NUP85: variants seen among roughly 807,000 people sequenced by gnomAD.
The protein encoded by NUP85 is nucleoporin 85, also known as nuclear pore complex protein Nup85.
NUP85 carries 23 observed loss-of-function variants against 92.8 expected under a neutral mutation model. That is an observed-to-expected ratio of 0.25 (90% CI 0.18 to 0.35). NUP85 has a LOEUF of 0.35. Ranked by LOEUF, NUP85 falls within the 10% of genes least tolerant of loss-of-function variation. The pLI, the probability that NUP85 is intolerant of heterozygous loss-of-function variation, is 1.00. For synonymous variants in NUP85, 314 were observed against 306.9 expected, an observed-to-expected ratio of 1.02 and a Z score of -0.24; for missense variants, 759 against 822.8, an observed-to-expected ratio of 0.92 and a Z score of 0.95.
intron 1 of NUP85, among the ~76,000 whole-genome samples, chr17:75,206,898 G>T (rs1391964816): frequency 2.6e-5 from 4 of 151,984 alleles, no homozygotes; most frequent in Admixed American, 2.0e-4. Context: ...TAGTAGAGAC[G>T]GGGTTTCACC....
At chr17:75,206,166 C>T (rs961990497) in intron 1 of NUP85, among the ~76,000 whole-genome samples, 1 of 152,152 alleles carries the variant, frequency 6.6e-6, no homozygotes, top group Non-Finnish European at 1.5e-5. Flanking sequence ...GCACATTGAG[C>T]TTCTGCCTGT....
rs199651391 is a variant in NUP85, at chr17:75,208,539, G to A, written c.46G>A (p.Val16Met). 1.2e-3 allele frequency: 1,829 copies of A among 1,588,086 alleles called. 33 individuals carry two copies. The South Asian group carries it at 0.019, about 16-fold the overall frequency. Residue 16 changes from valine to methionine, a missense_variant, in exon 2 of 19, where the codon GTG becomes ATG. By Grantham distance (21) the Val-to-Met change is conservative (BLOSUM62 1). Coordinates refer to ENST00000245544, the MANE Select transcript of NUP85 (RefSeq NM_024844.5). Reference protein sequence around the residue: ...GEPTVTLIPGVNSKKNQMYFD... With the variant: ...GEPTVTLIPGMNSKKNQMYFD... ...CTTATTTTACTAGTTGATTCCAGGCGTGAATTCCAAGAAGAACCAAATGTA... is the reference window on the plus strand; with the variant it reads ...CTTATTTTACTAGTTGATTCCAGGCATGAATTCCAAGAAGAACCAAATGTA...
In NUP85 at chr17:75,215,839, C is replaced by T. The variant is rs557464139; in HGVS notation, c.475+16C>T. 1 of 1,606,980 alleles carries T rather than the reference C, an allele frequency of 6.2e-7. No individual in the cohort carries two copies. The highest frequency in any genetic ancestry group is 1.7e-5 in the Admixed American group (1 of 59,990). Reference sequence around the variant, plus strand: ...GTGGCCCCAGGTAGGCATGGAATATCTCACCATAATCTCATAGGTGTCCCC... The same window carrying T: ...GTGGCCCCAGGTAGGCATGGAATATTTCACCATAATCTCATAGGTGTCCCC... On this transcript the variant is annotated intron_variant, in intron 6 of 18. Coordinates refer to ENST00000245544, the MANE Select transcript of NUP85 (RefSeq NM_024844.5).
chr17:75,232,158 AG>A, intron 14 of NUP85, 179 bp downstream of exon 14: 1 of 671,132 alleles, frequency 1.5e-6, no homozygotes. Context: ...GGGACAGGAA[AG>A]CTAGGGATCC....
At chr17:75,222,974 G>A (rs1227897243) in intron 7 of NUP85, among the ~76,000 whole-genome samples, 1 of 148,868 alleles carries the variant, frequency 6.7e-6, no homozygotes, top group Non-Finnish European at 1.5e-5. Context: ...AGTGGAGCTT[G>A]CAGTGAGCCG....
rs768963282 is a variant in NUP85, at chr17:75,212,228, G to GTTTT, written c.361+166_361+167insTTTT. The stretch of plus-strand genomic sequence containing the variant: ...CTTACTTTTTTGGTAATCATTTAGA[G>GTTTT]GTTTTTTTTTTTGTTGTTGTTTTTT... On this transcript the variant is annotated intron_variant, in intron 4 of 18. Coordinates refer to ENST00000245544, the MANE Select transcript of NUP85 (RefSeq NM_024844.5). Among the ~76,000 whole-genome samples, 2 of 84,564 alleles carry GTTTT rather than the reference G, an allele frequency of 2.4e-5. 1 individual carries two copies. The allele number at this position is 84,564 out of a possible 152,430, so 55.5% of individuals were successfully genotyped here.
chr17:75,219,376 A>G (rs1169335050), intron 7 of NUP85, among the ~76,000 whole-genome samples: 1 of 152,016 alleles, frequency 6.6e-6, no homozygotes, highest in Non-Finnish European at 1.5e-5. Context: ...TCCTGGGCTC[A>G]AGCAATCCTC....
intron 11 of NUP85, chr17:75,228,448 A>C: frequency 3.0e-6 from 3 of 985,402 alleles, no homozygotes; most frequent in Non-Finnish European, 3.6e-6. Flanking sequence ...TCCTGTTTTG[A>C]AAGAGGAACA....
intron 18 of NUP85, 124 bp downstream of exon 18, chr17:75,235,325 A>C: frequency 1.5e-6 from 1 of 676,388 alleles, no homozygotes; most frequent in South Asian, 1.9e-5. Flanking sequence ...GTTCCCCTTA[A>C]CCTGTGTAAT....
At chr17:75,219,855 A>C (rs1485192535) in intron 7 of NUP85, among the ~76,000 whole-genome samples, 1 of 152,110 alleles carries the variant, frequency 6.6e-6, no homozygotes, top group African/African-American at 2.4e-5. Context: ...GCTAGGCTGA[A>C]GAAAGCATTC....
intron 11 of NUP85, chr17:75,228,172 A>G: frequency 1.0e-5 from 10 of 985,218 alleles, no homozygotes; most frequent in Non-Finnish European, 8.4e-6. Flanking sequence ...TTAGGAATAA[A>G]ACAGATTTGA....
At chr17:75,226,931 C>G (rs552619835) in intron 11 of NUP85, 2 of 283,496 alleles carry the variant, frequency 7.1e-6, no homozygotes, top group African/African-American at 4.3e-5. Context: ...GAATTTCCAG[C>G]CCTCTATCCA....
At chr17:75,235,250 C>A in intron 18 of NUP85, 49 bp downstream of exon 18, 1 of 1,354,374 alleles carries the variant, frequency 7.4e-7, no homozygotes, top group Non-Finnish European at 1.0e-6. Flanking sequence ...TGGGAAAAGG[C>A]TCCCTCTATC....
At chr17:75,223,477 TC>T in intron 7 of NUP85, among the ~76,000 whole-genome samples, 1 of 152,000 alleles carries the variant, frequency 6.6e-6, no homozygotes, top group Non-Finnish European at 1.5e-5. Flanking sequence ...AACCTCTGCC[TC>T]CCGGGTTCAA....
chr17:75,217,269 G>A (rs1197881440), intron 6 of NUP85, among the ~76,000 whole-genome samples: 1 of 151,106 alleles, frequency 6.6e-6, no homozygotes, highest in Non-Finnish European at 1.5e-5. Context: ...TATGTTGCCC[G>A]GGCTGTTCTT....
At chr17:75,226,187 C>A in intron 11 of NUP85, 30 bp downstream of exon 11, 1 of 1,578,162 alleles carries the variant, frequency 6.3e-7, no homozygotes, top group East Asian at 2.2e-5. Flanking sequence ...CCACTGTAAC[C>A]ATTTTTAGGT....
rs567658330 is a variant in NUP85 at position 75,225,724 on chromosome 17, G to A, written c.882G>A (p.Leu294=). ...TTATGCTGGGAGACGAAGCTGCCTT[G>A]TTAGAGCAGAAGGAACTTCTGAGTA... ...LKIMLGDEAA[L]LEQKELLSNW... The change falls in exon 10 of 19, where the codon TTG becomes TTA. Residue 294 remains leucine, a synonymous_variant. Coordinates refer to ENST00000245544, the MANE Select transcript of NUP85 (RefSeq NM_024844.5). 3 of 1,614,202 alleles carry A rather than the reference G, an allele frequency of 1.9e-6. No individual in the cohort carries two copies. Among genetic ancestry groups the A allele is most frequent in the South Asian group, 1.1e-5 (1 of 91,090 alleles).
intron 5 of NUP85, among the ~76,000 whole-genome samples, chr17:75,213,403 G>T (rs1046356074): frequency 6.6e-6 from 1 of 150,544 alleles, no homozygotes; most frequent in African/African-American, 2.4e-5. Flanking sequence ...CATTTCTCCT[G>T]TCTCAGCCTC....
At chr17:75,233,381 CTCTTTCTTTCTCTT>C (rs1424759880) in intron 16 of NUP85, among the ~76,000 whole-genome samples, 12 of 60,266 alleles carry the variant, frequency 2.0e-4, no homozygotes, top group Non-Finnish European at 5.3e-4. Context: ...CTTTCTTTCT[CTCTTTCTTTCTCTT>C]TCTCTTTCTC....
Sources: allele counts gnomAD v4.1 joint callset (sites outside exome capture counted in the v4.1 genomes callset), GRCh38; gene constraint gnomAD v4.1.1; transcripts MANE v1.5; gene names NCBI Gene and HGNC (gene_info 2026-07-23, HGNC 2026-07-21).